KCNAB1: variants seen among roughly 807,000 people sequenced by gnomAD.
The protein encoded by KCNAB1 is voltage-gated potassium channel subunit beta-1.
In KCNAB1, 35 loss-of-function variants were observed where a neutral mutation model predicts 64.6. The ratio of observed to expected loss-of-function variants is 0.54; its 90% CI spans 0.41 to 0.72. KCNAB1 has a LOEUF of 0.72. Ranked by LOEUF, KCNAB1 falls within the 30% of genes least tolerant of loss-of-function variation. KCNAB1 has a pLI of 0.00. For synonymous variants in KCNAB1, 177 were observed against 183.8 expected (o/e 0.96, Z 0.30); for missense variants, 401 against 512.9 (o/e 0.78, Z 2.11).
Position 156,190,567 on chromosome 3 carries a change from A to T in KCNAB1, c.275+69681A>T, listed in dbSNP as rs115473606. 2.1e-3 allele frequency among the ~76,000 whole-genome samples: 313 copies of T among 152,362 alleles called. 1 individual carries two copies. The highest frequency in any genetic ancestry group is 7.1e-3 in the African/African-American group (295 of 41,584). ...CTTATTGTGAGATGGAGGACAAATC[A>T]CTAAACTTCCTTGAGCCTGGTTCCT... On this transcript the variant is annotated intron_variant, in intron 1 of 13. Coordinates refer to ENST00000490337, the MANE Select transcript of KCNAB1 (RefSeq NM_172160.3).
At chr3:156,434,312 C>T (rs915054567) in intron 2 of KCNAB1, among the ~76,000 whole-genome samples, 2 of 152,124 alleles carry the variant, frequency 1.3e-5, no homozygotes, top group Admixed American at 6.6e-5. Context: ...ACAAGCTCAA[C>T]GACTTGAGTA....
intron 1 of KCNAB1, among the ~76,000 whole-genome samples, chr3:156,202,166 C>T (rs1714376446): frequency 6.6e-6 from 1 of 152,182 alleles, no homozygotes; most frequent in Non-Finnish European, 1.5e-5. Context: ...CCTCTAGGCT[C>T]AACACTGGCT....
At chr3:156,269,100 A>G (rs1039469280) in intron 1 of KCNAB1, among the ~76,000 whole-genome samples, 3 of 152,168 alleles carry the variant, frequency 2.0e-5, no homozygotes, top group Non-Finnish European at 2.9e-5. Flanking sequence ...TCCCAGCACT[A>G]TCTATTGAAA....
intron 1 of KCNAB1, among the ~76,000 whole-genome samples, chr3:156,193,398 T>A (rs1169620005): frequency 5.3e-5 from 8 of 152,186 alleles, no homozygotes; most frequent in Admixed American, 5.2e-4. Context: ...ATACAATAGG[T>A]CTTGTGTTAG....
chr3:156,475,322 GCTGCAACATTTTATCCCCCTT>G (rs1229539686), intron 8 of KCNAB1, among the ~76,000 whole-genome samples: 4 of 152,262 alleles, frequency 2.6e-5, no homozygotes, highest in African/African-American at 9.6e-5. Context: ...GTCTCAAGGA[GCTGCAACATTTTATCCCCCTT>G]CTGTTATAAC....
chr3:156,173,871 T>C (rs1430808744), intron 1 of KCNAB1, among the ~76,000 whole-genome samples: 1 of 152,170 alleles, frequency 6.6e-6, no homozygotes, highest in African/African-American at 2.4e-5. Flanking sequence ...GTTGAGGACC[T>C]GAATAGAACA....
chr3:156,463,687 CT>C lies in KCNAB1; in HGVS notation c.483-10del. On this transcript the variant is annotated splice_polypyrimidine_tract_variant and intron_variant, in intron 5 of 13. Coordinates refer to ENST00000490337, the MANE Select transcript of KCNAB1 (RefSeq NM_172160.3). ...TTATTTACTACTTCTCTGTGTTTGT[CT>C]TTTTGATATACAGGAGGTCCAGTCT... 6.3e-7 allele frequency: 1 copy of C among 1,591,274 alleles called. No individual in the cohort carries two copies. Among genetic ancestry groups the C allele is most frequent in the Non-Finnish European group, 8.6e-7 (1 of 1,168,222 alleles).
At chr3:156,242,695 C>G (rs1185799864) in intron 1 of KCNAB1, among the ~76,000 whole-genome samples, 2 of 151,498 alleles carry the variant, frequency 1.3e-5, no homozygotes, top group Non-Finnish European at 2.9e-5. Context: ...TTCAAAGATG[C>G]AATATTTTTC....
intron 1 of KCNAB1, among the ~76,000 whole-genome samples, chr3:156,206,079 G>A (rs1714644117): frequency 6.6e-6 from 1 of 152,086 alleles, no homozygotes; most frequent in Non-Finnish European, 1.5e-5. Flanking sequence ...AGCCCATTTG[G>A]GGAGTTTGCA....
intron 1 of KCNAB1, among the ~76,000 whole-genome samples, chr3:156,300,289 T>A (rs1187771115): frequency 6.6e-6 from 1 of 152,258 alleles, no homozygotes; most frequent in African/African-American, 2.4e-5. Context: ...TCTTGTCCTG[T>A]CCTCTGTTGA....
intron 2 of KCNAB1, among the ~76,000 whole-genome samples, chr3:156,447,679 G>T (rs74681911): frequency 0.02 from 2,979 of 152,198 alleles, 105 homozygotes; most frequent in African/African-American, 0.068. Flanking sequence ...ATGAAAGACA[G>T]GGAAAGACTG....
chr3:156,205,241 G>T (rs567585521), intron 1 of KCNAB1, among the ~76,000 whole-genome samples: 15 of 152,082 alleles, frequency 9.9e-5, no homozygotes, highest in Non-Finnish European at 2.1e-4. Context: ...GTGTCCATAA[G>T]TCAGTTATTC....
chr3:156,343,826 G>A (rs1724299788), intron 1 of KCNAB1, among the ~76,000 whole-genome samples: 1 of 152,180 alleles, frequency 6.6e-6, no homozygotes, highest in South Asian at 2.1e-4. Context: ...ATACCAAGAA[G>A]TTAAAGAAAG....
At chr3:156,339,870 A>C (rs1723983039) in intron 1 of KCNAB1, among the ~76,000 whole-genome samples, 1 of 152,216 alleles carries the variant, frequency 6.6e-6, no homozygotes, top group South Asian at 2.1e-4. Context: ...AAGAGGTGGT[A>C]CTGGAAGACA....
At chr3:156,453,705 G>A (rs1474643118) in intron 3 of KCNAB1, among the ~76,000 whole-genome samples, 3 of 152,244 alleles carry the variant, frequency 2.0e-5, no homozygotes, top group Admixed American at 6.5e-5. Context: ...CTCCCCTGAG[G>A]GCAATGCCCT....
chr3:156,300,844 T>C (rs975500390), intron 1 of KCNAB1, among the ~76,000 whole-genome samples: 2 of 152,216 alleles, frequency 1.3e-5, no homozygotes, highest in Admixed American at 1.3e-4. Context: ...TCAATGATAG[T>C]TGAGTATCCA....
intron 1 of KCNAB1, among the ~76,000 whole-genome samples, chr3:156,131,103 T>A (rs1713969505): frequency 2.6e-5 from 4 of 152,236 alleles, no homozygotes; most frequent in Non-Finnish European, 5.9e-5. Flanking sequence ...GCTGCCCAGG[T>A]CTTTCAAATT....
At chr3:156,143,882 TCTC>T (rs1028885881) in intron 1 of KCNAB1, among the ~76,000 whole-genome samples, 36 of 150,522 alleles carry the variant, frequency 2.4e-4, no homozygotes, top group African/African-American at 8.0e-4. Flanking sequence ...TAGTTCAAGT[TCTC>T]CTTGAAATGA....
At chr3:156,520,746 G>A (rs4254605) in intron 11 of KCNAB1, among the ~76,000 whole-genome samples, 39,567 of 151,994 alleles carry the variant, frequency 0.26, 5,605 homozygotes, top group African/African-American at 0.37. Flanking sequence ...GCAAGTTTTC[G>A]GCTCTAGCAT....
Sources: gnomAD v4.1 joint callset for allele counts (sites outside exome capture counted in the v4.1 genomes callset) on GRCh38, gnomAD v4.1.1 for gene constraint, MANE v1.5 for transcripts, NCBI Gene and HGNC (gene_info 2026-07-23, HGNC 2026-07-21) for gene names.